The following PCDHA1 variants were observed in gnomAD, a reference collection of about 807,000 sequenced individuals.
PCDHA1 encodes protocadherin alpha 1, also known as protocadherin alpha-1.
A neutral mutation model predicts 61.3 loss-of-function variants in PCDHA1; 42 were observed. That is an observed-to-expected ratio of 0.69 (90% CI 0.54 to 0.89). The LOEUF is 0.89. Ranked by LOEUF, PCDHA1 falls within the 40% of genes least tolerant of loss-of-function variation. The pLI is 0.00. For synonymous variants in PCDHA1, 610 were observed against 553.8 expected, an observed-to-expected ratio of 1.10 and a Z score of -1.43; for missense variants, 1,256 against 1,235.3, an observed-to-expected ratio of 1.02 and a Z score of -0.25.
chr5:140,803,773 C>T, intron 1 of PCDHA1: 5 of 1,030,338 alleles, frequency 4.9e-6, no homozygotes, highest in Non-Finnish European at 5.5e-6. Context: ...TGAACCAAAT[C>T]AGCAGTAAGT....
intron 1 of PCDHA1, chr5:140,848,665 C>A (rs1428126460): frequency 4.4e-6 from 7 of 1,592,108 alleles, no homozygotes; most frequent in Non-Finnish European, 5.2e-6. Flanking sequence ...CTGGAGCTGG[C>A]GGAGCTGGTG....
chr5:140,841,310 C>T, intron 1 of PCDHA1: 1 of 1,550,948 alleles, frequency 6.4e-7, no homozygotes, highest in South Asian at 1.2e-5. Context: ...TGATAGGAAA[C>T]GACTATTTAA....
At chr5:140,992,035 G>A (rs529236840) in intron 3 of PCDHA1, among the ~76,000 whole-genome samples, 1 of 151,988 alleles carries the variant, frequency 6.6e-6, no homozygotes, top group Non-Finnish European at 1.5e-5. Flanking sequence ...GTGTGTGTGT[G>A]TGTGTGTGTG....
At chr5:140,836,597 T>C (rs2150265046) in intron 1 of PCDHA1, 7 of 1,613,676 alleles carry the variant, frequency 4.3e-6, no homozygotes, top group Non-Finnish European at 5.1e-6. Context: ...TAAAGCCCAC[T>C]CTGGTGTGCT....
chr5:140,848,048 A>G, intron 1 of PCDHA1: 1 of 161,290 alleles, frequency 6.2e-6, no homozygotes, highest in Admixed American at 5.8e-5. Context: ...GAATCATTTT[A>G]ATTGTTACTT....
At chr5:140,968,580 C>T (rs782395602) in intron 1 of PCDHA1, 1 of 1,614,218 alleles carries the variant, frequency 6.2e-7, no homozygotes, top group Admixed American at 1.7e-5. Context: ...TACCTGGTCA[C>T]CAAAGTCATA....
chr5:140,927,536 G>A (rs1227240979), intron 1 of PCDHA1: 3 of 1,614,138 alleles, frequency 1.9e-6, no homozygotes, highest in Non-Finnish European at 2.5e-6. Context: ...GCCCGCTCAG[G>A]AGACGCACAA....
At position 140,859,292 on chromosome 5, in the gene PCDHA1, CT is replaced by C. The variant is rs1226140670; in HGVS notation, c.2394+70611del. 1.3e-3 allele frequency: 281 copies of C among 215,310 alleles called. 12 individuals are homozygous for C. Among genetic ancestry groups the C allele is most frequent in the African/African-American group, 6.4e-3 (274 of 42,824 alleles). 13.3% of individuals were successfully genotyped at this position (215,310 alleles called of 1,614,324 possible). A position where few individuals can be genotyped will look rare whatever the true frequency, so the allele number is the denominator to read the frequency against. ...CTTTTTACTTTTGAGACTGAAAATA[CT>C]TTAGTATGAATTAATATTAAAAGTT... On this transcript the variant is annotated intron_variant, in intron 1 of 3. Transcript: ENST00000504120.
intron 3 of PCDHA1, among the ~76,000 whole-genome samples, chr5:140,996,163 A>G (rs183777507): frequency 4.8e-4 from 73 of 152,326 alleles, no homozygotes; most frequent in African/African-American, 1.5e-3. Flanking sequence ...TTATACTGCA[A>G]TGTGCTGACA....
intron 1 of PCDHA1, chr5:140,823,626 G>A (rs1554129494): frequency 1.2e-6 from 2 of 1,613,916 alleles, no homozygotes; most frequent in Admixed American, 3.3e-5. Context: ...CTGGCAGTGC[G>A]CGCATCCCGT....
At chr5:140,896,517 A>G (rs1300184594) in intron 1 of PCDHA1, among the ~76,000 whole-genome samples, 1 of 149,680 alleles carries the variant, frequency 6.7e-6, no homozygotes, top group African/African-American at 2.5e-5. Flanking sequence ...GGCACACACC[A>G]CAAAGCCCAG....
Position 140,980,554 on chromosome 5 carries a change from C to T in PCDHA1, c.2453+1547C>T, listed in dbSNP as rs1283128844. Among the ~76,000 whole-genome samples, 9 of 152,008 alleles carry T rather than the reference C, an allele frequency of 5.9e-5. No individual in the cohort carries two copies. The South Asian group carries it at 1.5e-3, about 25-fold the overall frequency. On this transcript the variant is annotated intron_variant, in intron 2 of 3. Transcript: ENST00000504120. ...CTGAGGCAGGAGAATCGCTTGAACC[C>T]GGGAGGCGGAAGTTGCAGTGAGCCA...
chr5:140,981,687 A>ATCAT (rs200213847), intron 2 of PCDHA1, among the ~76,000 whole-genome samples: 1,547 of 152,086 alleles, frequency 0.01, 18 homozygotes, highest in African/African-American at 0.031. Flanking sequence ...CCTCCCTTCC[A>ATCAT]TCATTCATTC....
chr5:140,848,630 G>A (rs143400939), intron 1 of PCDHA1: 3 of 1,593,262 alleles, frequency 1.9e-6, no homozygotes, highest in African/African-American at 2.7e-5. Context: ...GCACCTTCGT[G>A]GGCCGCATCG....
At chr5:140,864,428 A>G (rs1459039146) in intron 1 of PCDHA1, 2 of 152,138 alleles carry the variant, frequency 1.3e-5, no homozygotes, top group Non-Finnish European at 2.9e-5. Context: ...TCGTCCACAA[A>G]CAATTTTGTT....
chr5:140,822,202 G>C (rs2150114545), intron 1 of PCDHA1: 2 of 1,614,238 alleles, frequency 1.2e-6, no homozygotes, highest in Admixed American at 3.3e-5. Flanking sequence ...ATTCATTTTA[G>C]AGTCAAGAAT....
At chr5:140,810,005 T>G (rs1764586388) in intron 1 of PCDHA1, 1 of 155,840 alleles carries the variant, frequency 6.4e-6, no homozygotes, top group Non-Finnish European at 1.4e-5. Flanking sequence ...ACTTCCCTTA[T>G]TTTTCCTCCA....
In PCDHA1 at chr5:140,887,671, A is replaced by G. The variant is rs1417615702; in HGVS notation, c.2395-91278A>G. Among the ~76,000 whole-genome samples, 4 of 152,008 alleles carry G rather than the reference A, an allele frequency of 2.6e-5. No homozygotes were observed. In the East Asian group the frequency reaches 7.7e-4, roughly 29 times the overall value. The stretch of plus-strand genomic sequence containing the variant: ...ATATTCTTGGATCTGTGGATTTATC[A>G]TTTTCATCAAATTCAGGAAAAAATC... On this transcript the variant is annotated intron_variant, in intron 1 of 3. Transcript: ENST00000504120.
At chr5:140,819,718 T>C (rs1173978275) in intron 1 of PCDHA1, among the ~76,000 whole-genome samples, 1 of 152,088 alleles carries the variant, frequency 6.6e-6, no homozygotes, top group African/African-American at 2.4e-5. Flanking sequence ...AAATATAATT[T>C]AACAGATATG....
Sources: gnomAD v4.1 joint callset for allele counts (sites outside exome capture counted in the v4.1 genomes callset) on GRCh38, gnomAD v4.1.1 for gene constraint, MANE v1.5 for transcripts, NCBI Gene and HGNC (gene_info 2026-07-23, HGNC 2026-07-21) for gene names.